The following ANHX variants were observed in gnomAD, a reference collection of about 807,000 sequenced individuals.
ANHX encodes anomalous homeobox, also known as anomalous homeobox protein.
Under a neutral mutation model 38.9 loss-of-function variants are expected in ANHX, and 20 were observed. That is an observed-to-expected ratio of 0.51 (90% CI 0.36 to 0.75). ANHX has a LOEUF of 0.75. Among genes scored for constraint, ANHX ranks in the 30% least tolerant of loss-of-function variants. The pLI, the probability that ANHX is intolerant of heterozygous loss-of-function variation, is 0.00. For missense variants in ANHX, 475 were observed against 493.1 expected (o/e 0.96, Z 0.35); for synonymous variants, 185 against 203.1 (o/e 0.91, Z 0.76).
intron 5 of ANHX, among the ~76,000 whole-genome samples, chr12:133,226,702 A>G (rs1335616284): frequency 6.6e-6 from 1 of 152,148 alleles, no homozygotes; most frequent in Non-Finnish European, 1.5e-5. Flanking sequence ...TCTCCAGCCC[A>G]GCTCCTGGCC....
At chr12:133,228,954 T>C (rs1223334629) in intron 3 of ANHX, among the ~76,000 whole-genome samples, 3 of 152,066 alleles carry the variant, frequency 2.0e-5, no homozygotes, top group African/African-American at 4.8e-5. Context: ...TAAAAGCACT[T>C]GCCCAGCTCA....
At chr12:133,234,084 C>T (rs1020978462) in intron 2 of ANHX, 24 bp downstream of exon 2, 1 of 1,533,484 alleles carries the variant, frequency 6.5e-7, no homozygotes, top group African/African-American at 1.4e-5. Flanking sequence ...CTCTCTGTAC[C>T]CTACCCCTGT....
intron 7 of ANHX, among the ~76,000 whole-genome samples, chr12:133,224,837 G>T (rs532991911): frequency 3.3e-5 from 5 of 150,434 alleles, no homozygotes; most frequent in Non-Finnish European, 5.9e-5. Flanking sequence ...CGTGGTGGCG[G>T]GCGCCTGTAG....
chr12:133,233,040 G>A (rs985761367), intron 2 of ANHX, among the ~76,000 whole-genome samples: 1 of 152,202 alleles, frequency 6.6e-6, no homozygotes, highest in East Asian at 1.9e-4. Flanking sequence ...AAACCAGAAG[G>A]GTAGGTAGGC....
rs1338612801 is a variant in ANHX, at chr12:133,227,842, G to A, written c.483C>T (p.Asn161=). ...LHNFAVGVNT[N]PSKAERENLA... ...TTCTTACCCTCTCAGCCTTGCTGGG[G>A]TTGGTGTTCACCCCCACAGCGAAAT... Residue 161 remains asparagine (N), a synonymous_variant, in exon 4 of 10, where the codon AAC becomes AAT. Transcript: ENST00000545940. The A allele has an allele frequency of 1.3e-6, 2 of 1,535,074 alleles. No individual in the cohort carries two copies. Among genetic ancestry groups the A allele is most frequent in the Non-Finnish European group, 1.7e-6 (2 of 1,146,478 alleles).
intron 7 of ANHX, among the ~76,000 whole-genome samples, chr12:133,224,714 C>T (rs1957161974): frequency 6.7e-6 from 1 of 148,686 alleles, no homozygotes; most frequent in Non-Finnish European, 1.5e-5. Context: ...GCCTGTAATC[C>T]CAGCACTTTG....
At position 133,219,376 on chromosome 12, in the gene ANHX, G is replaced by A. The variant is rs1957077701; in HGVS notation, c.1281-9C>T. The A allele has an allele frequency of 3.3e-6, 5 of 1,513,316 alleles. No homozygotes were observed. Among genetic ancestry groups the A allele is most frequent in the Non-Finnish European group, 4.4e-6 (5 of 1,135,296 alleles). 93.7% of individuals were successfully genotyped at this position (1,513,316 alleles called of 1,614,324 possible). A position where few individuals can be genotyped will look rare whatever the true frequency, so the allele number is the denominator to read the frequency against. ...GGGCCAGCTCTGGAGGGCTGGAAAA[G>A]AGACAGTGTAAGAATAGGCCCTATC... On this transcript the variant is annotated splice_polypyrimidine_tract_variant and intron_variant, in intron 8 of 9. Transcript: ENST00000545940.
At chr12:133,219,414 T>C in intron 8 of ANHX, 47 bp from the exon 9 acceptor site, 1 of 1,334,114 alleles carries the variant, frequency 7.5e-7, no homozygotes, top group Non-Finnish European at 1.0e-6. Flanking sequence ...AAGGGGACAC[T>C]GGGGTGACAA....
chr12:133,228,001 C>T (rs1287062265), intron 3 of ANHX, 54 bp from the exon 4 acceptor site: 2 of 1,528,604 alleles, frequency 1.3e-6, no homozygotes, highest in Admixed American at 2.0e-5. Flanking sequence ...CAAATCTGTT[C>T]CCTTCTCCAG....
chr12:133,234,067 G>A (rs1430649467), intron 2 of ANHX, 41 bp downstream of exon 2: 2 of 1,522,778 alleles, frequency 1.3e-6, no homozygotes, highest in African/African-American at 1.4e-5. Flanking sequence ...TAAAGAAGTT[G>A]CTACCTCTCT....
At chr12:133,223,144 G>A (rs1041189155) in intron 7 of ANHX, among the ~76,000 whole-genome samples, 7 of 151,804 alleles carry the variant, frequency 4.6e-5, no homozygotes, top group Middle Eastern at 6.8e-3. Context: ...AGCCGAGATC[G>A]CACCACTGCA....
At chr12:133,228,903 CCTT>C (rs1223916864) in intron 3 of ANHX, among the ~76,000 whole-genome samples, 1 of 152,224 alleles carries the variant, frequency 6.6e-6, no homozygotes, top group African/African-American at 2.4e-5. Context: ...GCCACTGTCT[CCTT>C]GTCTCTGTGA....
rs990760138 is a variant in ANHX at position 133,234,153 on chromosome 12, G to T, written c.204C>A (p.Val68=). The change falls in exon 2 of 10, where the codon GTC becomes GTA. Residue 68 remains valine, a synonymous_variant. Coordinates refer to ENST00000545940, the MANE Select transcript of ANHX (RefSeq NM_001372060.1). Reference sequence around the variant, plus strand: ...CCTGCTGCTGCTCCTGCTGGTCCAGGACACGGGCGCACGCCAGGGCCACAT... The same window carrying T: ...CCTGCTGCTGCTCCTGCTGGTCCAGTACACGGGCGCACGCCAGGGCCACAT... ...NADVALACAR[V]LDQQEQQQAA... 6.5e-7 allele frequency: 1 copy of T among 1,535,960 alleles called. No individual in the cohort carries two copies. Among genetic ancestry groups the T allele is most frequent in the Admixed American group, 2.0e-5 (1 of 50,986 alleles).
Position 133,227,901 on chromosome 12 carries a change from T to G in ANHX, c.424A>C (p.Asn142His). Residue 142 changes from asparagine to histidine, a missense_variant, in exon 4 of 10, where the codon AAC (asparagine) becomes CAC (histidine). Coordinates refer to ENST00000545940, the MANE Select transcript of ANHX (RefSeq NM_001372060.1). The stretch of plus-strand genomic sequence containing the variant: ...TTCTCACGAACCTCTCTGGGGAAGT[T>G]CCGGCTCTTCAGCCCCTCTGGGCAG... The part of the protein sequence containing the change: ...SLCPEGLKSR[N>H]FPREVREKLH... 8.2e-7 allele frequency: 1 copy of G among 1,225,404 alleles called. No homozygotes were observed. Among genetic ancestry groups the G allele is most frequent in the Non-Finnish European group, 1.1e-6 (1 of 934,140 alleles). The allele number at this position is 1,225,404 out of a possible 1,614,324, so 75.9% of individuals were successfully genotyped here. A position where few individuals can be genotyped will look rare whatever the true frequency, so the allele number is the denominator to read the frequency against.
At chr12:133,229,034 T>A (rs997352626) in intron 3 of ANHX, among the ~76,000 whole-genome samples, 1 of 152,204 alleles carries the variant, frequency 6.6e-6, no homozygotes, top group African/African-American at 2.4e-5. Flanking sequence ...GCTTCTGAAC[T>A]CTGCACTGCT....
At chr12:133,234,440 C>T (rs1273741612) in intron 1 of ANHX, 62 bp from the exon 2 acceptor site, 32 of 1,474,472 alleles carry the variant, frequency 2.2e-5, no homozygotes, top group African/African-American at 2.8e-5. Context: ...GTCAGTCAAT[C>T]GCCCAACCCA....
chr12:133,230,642 G>A (rs1180403931), intron 3 of ANHX, among the ~76,000 whole-genome samples: 1 of 152,126 alleles, frequency 6.6e-6, no homozygotes, highest in Non-Finnish European at 1.5e-5. Context: ...TGGGCATGGT[G>A]GTCACAGCTA....
chr12:133,227,861 G>A lies in ANHX; in HGVS notation c.464C>T (p.Ala155Val). Residue 155 changes from alanine (A) to valine (V), a missense_variant, in exon 4 of 10, where the codon GCT becomes GTT. Ala to Val is a moderately conservative substitution (Grantham distance 64). Transcript: ENST00000545940. ...REVREKLHNF[A>V]VGVNTNPSKA... is the part of the protein sequence containing the mutation. Reference sequence around the variant, plus strand: ...GCTGGGGTTGGTGTTCACCCCCACAGCGAAATTGTGCAGCTTCTCACGAAC... The same window carrying A: ...GCTGGGGTTGGTGTTCACCCCCACAACGAAATTGTGCAGCTTCTCACGAAC... 6.5e-7 allele frequency: 1 copy of A among 1,531,970 alleles called. No homozygotes were observed. The highest frequency in any genetic ancestry group is 8.7e-7 in the Non-Finnish European group (1 of 1,144,618). The allele number at this position is 1,531,970 out of a possible 1,614,324, so 94.9% of individuals were successfully genotyped here. A position where few individuals can be genotyped will look rare whatever the true frequency, so the allele number is the denominator to read the frequency against.
intron 2 of ANHX, among the ~76,000 whole-genome samples, chr12:133,232,735 G>A (rs930012794): frequency 1.3e-5 from 2 of 152,112 alleles, no homozygotes; most frequent in Non-Finnish European, 1.5e-5. Context: ...TTGCCTTCAC[G>A]GCAGTCATTA....
Sources: gnomAD v4.1 joint callset for allele counts (sites outside exome capture counted in the v4.1 genomes callset) on GRCh38, gnomAD v4.1.1 for gene constraint, MANE v1.5 for transcripts, NCBI Gene and HGNC (gene_info 2026-07-23, HGNC 2026-07-21) for gene names.